The following DIP2C variants were observed in gnomAD, a reference collection of about 807,000 sequenced individuals.
DIP2C encodes DIP2 acetate--CoA ligase C (putative), also known as disco-interacting protein 2 homolog C.
DIP2C carries 33 observed loss-of-function variants against 192.4 expected under a neutral mutation model. That is an observed-to-expected ratio of 0.17 (90% confidence interval 0.13 to 0.23). The LOEUF is 0.23. Among genes scored for constraint, DIP2C ranks in the 10% least tolerant of loss-of-function variants. The pLI is 1.00. For missense variants in DIP2C, 1,537 were observed against 2,110.1 expected, an observed-to-expected ratio of 0.73 and a Z score of 5.32; for synonymous variants, 979 against 864.1, an observed-to-expected ratio of 1.13 and a Z score of -2.33.
intron 1 of DIP2C, among the ~76,000 whole-genome samples, chr10:592,855 CTG>C (rs1219541706): frequency 6.6e-6 from 1 of 152,146 alleles, no homozygotes; most frequent in African/African-American, 2.4e-5. Flanking sequence ...GTGTAGAAAT[CTG>C]AGAGCAGGTA....
intron 31 of DIP2C, among the ~76,000 whole-genome samples, chr10:318,910 C>CT (rs36067497): frequency 0.76 from 112,036 of 146,708 alleles, 43,443 homozygotes; most frequent in Non-Finnish European, 0.84. Context: ...CCACATTTTT[C>CT]TTTTTTTTTT....
chr10:528,824 T>TCC (rs1280575630), intron 1 of DIP2C, among the ~76,000 whole-genome samples: 3 of 152,180 alleles, frequency 2.0e-5, no homozygotes, highest in Admixed American at 6.5e-5. Flanking sequence ...GCAGTTACCA[T>TCC]CCTCCGTGGG....
intron 3 of DIP2C, among the ~76,000 whole-genome samples, chr10:453,944 C>A (rs974542405): frequency 6.6e-6 from 1 of 152,206 alleles, no homozygotes; most frequent in Non-Finnish European, 1.5e-5. Flanking sequence ...TGTGCACAGC[C>A]CTGAGACTAA....
chr10:348,421 G>T (rs1958625228), intron 26 of DIP2C, among the ~76,000 whole-genome samples: 1 of 152,166 alleles, frequency 6.6e-6, no homozygotes, highest in African/African-American at 2.4e-5. Context: ...CCCTGCAGAG[G>T]CTACCATCCA....
chr10:495,753 C>A (rs1454750720), intron 1 of DIP2C, among the ~76,000 whole-genome samples: 2 of 151,740 alleles, frequency 1.3e-5, no homozygotes, highest in Non-Finnish European at 2.9e-5. Context: ...TCGCAATACC[C>A]CAATGTGACT....
At chr10:679,447 G>T (rs1285342103) in intron 1 of DIP2C, among the ~76,000 whole-genome samples, 4 of 40,664 alleles carry the variant, frequency 9.8e-5, no homozygotes, top group Non-Finnish European at 1.3e-4. Flanking sequence ...CCCACACCCA[G>T]GCTCCCTGCA....
chr10:437,142 G>C (rs1967318341), intron 4 of DIP2C, among the ~76,000 whole-genome samples: 1 of 130,248 alleles, frequency 7.7e-6, no homozygotes, highest in Admixed American at 7.7e-5. Context: ...CCTGAGCTCT[G>C]AGCTCCGCCT....
At chr10:679,626 G>GCTCCCCACA (rs1831055894) in intron 1 of DIP2C, among the ~76,000 whole-genome samples, 1 of 94,756 alleles carries the variant, frequency 1.1e-5, no homozygotes, top group African/African-American at 4.4e-5. Context: ...TGCTCCCTAT[G>GCTCCCCACA]CCCATGCTCC....
rs376081622 is a variant in DIP2C, at chr10:674,616, A to G, written c.85+14878T>C. ...AAAGCCCTGTGTCTACTAAATAGAA[A>G]AAATTAACCGAGCATGGTGGCACAT... On this transcript the variant is annotated intron_variant, in intron 1 of 36. Transcript: ENST00000280886. Among the ~76,000 whole-genome samples the G allele has an allele frequency of 3.2e-4, 48 of 151,974 alleles. No homozygotes were observed. In the South Asian group the frequency reaches 4.0e-3, roughly 13 times the overall value.
chr10:447,827 A>G (rs1390377552), intron 3 of DIP2C, among the ~76,000 whole-genome samples: 1 of 116,098 alleles, frequency 8.6e-6, no homozygotes, highest in African/African-American at 5.2e-5. Flanking sequence ...TCCCGTCGAT[A>G]CTCAGGATCA....
intron 29 of DIP2C, among the ~76,000 whole-genome samples, chr10:339,243 T>C (rs963265346): frequency 1.3e-5 from 2 of 152,084 alleles, no homozygotes; most frequent in Admixed American, 6.5e-5. Flanking sequence ...TTTTTTTGTT[T>C]TTTAAAAGCA....
chr10:581,700 C>T (rs1392729119), intron 1 of DIP2C, among the ~76,000 whole-genome samples: 8 of 152,094 alleles, frequency 5.3e-5, no homozygotes, highest in African/African-American at 1.7e-4. Flanking sequence ...GGCAGTGAGC[C>T]GGGGCTGGCT....
Position 390,277 on chromosome 10 carries a change from G to A in DIP2C, c.1481C>T (p.Thr494Ile), listed in dbSNP as rs1963356095. 3.7e-6 allele frequency: 6 copies of A among 1,614,020 alleles called. No homozygotes were observed. The East Asian group carries it at 6.7e-5, about 18-fold the overall frequency. Residue 494 changes from threonine (T) to isoleucine (I), a missense_variant, in exon 12 of 37, where the codon ACT becomes ATT. By Grantham distance (89) the Thr-to-Ile change is moderately conservative. Coordinates refer to ENST00000280886, the MANE Select transcript of DIP2C (RefSeq NM_014974.3). The stretch of plus-strand genomic sequence containing the variant: ...AGGCTGACTCACCTCAATATACGCA[G>A]TGTCGTTATTGGCATCTTTAATGTG... ...FPHIKDANND[T>I]AYIEYKTCKD...
At chr10:369,194 G>A (rs1960663392) in intron 18 of DIP2C, among the ~76,000 whole-genome samples, 1 of 152,204 alleles carries the variant, frequency 6.6e-6, no homozygotes, top group South Asian at 2.1e-4. Flanking sequence ...GGGAGGGAAG[G>A]GAAGCTGCCC....
chr10:412,345 G>T (rs1157867660), intron 8 of DIP2C, among the ~76,000 whole-genome samples: 1 of 152,236 alleles, frequency 6.6e-6, no homozygotes, highest in African/African-American at 2.4e-5. Flanking sequence ...CCCGCATGTA[G>T]GCGGGGAGGC....
At chr10:318,250 TAC>T (rs1029466464) in intron 31 of DIP2C, among the ~76,000 whole-genome samples, 1 of 152,206 alleles carries the variant, frequency 6.6e-6, no homozygotes, top group African/African-American at 2.4e-5. Context: ...CCTGTTTGAA[TAC>T]AGAGCCCTTG....
intron 3 of DIP2C, among the ~76,000 whole-genome samples, chr10:461,862 C>T (rs1969807596): frequency 6.6e-6 from 1 of 152,162 alleles, no homozygotes; most frequent in African/African-American, 2.4e-5. Flanking sequence ...AATTAGAACT[C>T]ACAGTTAAGA....
chr10:296,282 GAATT>G (rs1380833210), intron 32 of DIP2C, among the ~76,000 whole-genome samples: 1 of 152,068 alleles, frequency 6.6e-6, no homozygotes, highest in Non-Finnish European at 1.5e-5. Flanking sequence ...AATCCATCTT[GAATT>G]AATTTTTGTA....
At chr10:539,571 G>C (rs1021298552) in intron 1 of DIP2C, among the ~76,000 whole-genome samples, 1 of 152,184 alleles carries the variant, frequency 6.6e-6, no homozygotes, top group Non-Finnish European at 1.5e-5. Context: ...GGCTATAATA[G>C]AAAATATAGA....
Sources: gnomAD v4.1 joint callset for allele counts (sites outside exome capture counted in the v4.1 genomes callset) on GRCh38, gnomAD v4.1.1 for gene constraint, MANE v1.5 for transcripts, NCBI Gene and HGNC (gene_info 2026-07-23, HGNC 2026-07-21) for gene names.